STK24: variants seen among roughly 807,000 people sequenced by gnomAD.
STK24 encodes the protein serine/threonine-protein kinase 24.
STK24 carries 21 observed loss-of-function variants against 55.6 expected under a neutral mutation model. The ratio of observed to expected loss-of-function variants is 0.38; its 90% CI spans 0.27 to 0.54. STK24 has a LOEUF of 0.54. STK24 is among the 20% of genes least tolerant of loss of function. The probability of loss-of-function intolerance (pLI) is 0.79; values close to 1 mark genes in which losing one functional copy is unlikely to be tolerated. For synonymous variants in STK24, 200 were observed against 215.2 expected (o/e 0.93, Z 0.62); for missense variants, 383 against 538.4 (o/e 0.71, Z 2.86).
chr13:98,557,841 T>C (rs1897317356), intron 1 of STK24, among the ~76,000 whole-genome samples: 1 of 152,196 alleles, frequency 6.6e-6, no homozygotes, highest in Non-Finnish European at 1.5e-5. Context: ...CCGGCAGAAT[T>C]GGATTCCTTG....
At chr13:98,462,611 C>G (rs1048489771) in intron 7 of STK24, among the ~76,000 whole-genome samples, 3 of 152,150 alleles carry the variant, frequency 2.0e-5, no homozygotes, top group Non-Finnish European at 2.9e-5. Flanking sequence ...CTCACTCCCC[C>G]ACATGCCCCA....
Position 98,448,556 on chromosome 13 carries a change from T to C in STK24, c.*4617A>G. ...GGCGCTGTTCTTTAGCTAGTGCCAGTATTAAAACATTGTCATTACGAGAGT... is the reference window on the plus strand; with the variant it reads ...GGCGCTGTTCTTTAGCTAGTGCCAGCATTAAAACATTGTCATTACGAGAGT... On this transcript the variant is annotated 3_prime_UTR_variant, in exon 11 of 11. Transcript: ENST00000539966. 1.9e-6 allele frequency: 1 copy of C among 521,142 alleles called. No homozygotes were observed. The highest frequency in any genetic ancestry group is 3.5e-5 in the Admixed American group (1 of 28,776). The allele number at this position is 521,142 out of a possible 1,614,324, so 32.3% of individuals were successfully genotyped here.
intron 1 of STK24, among the ~76,000 whole-genome samples, chr13:98,575,484 T>C (rs7995347): frequency 0.17 from 25,825 of 151,834 alleles, 2,259 homozygotes; most frequent in African/African-American, 0.19. Context: ...AGTGGTAACT[T>C]TGAGTTCCTA....
chr13:98,457,123 T>C, intron 10 of STK24, 45 bp downstream of exon 10: 1 of 1,593,406 alleles, frequency 6.3e-7, no homozygotes, highest in Non-Finnish European at 8.5e-7. Flanking sequence ...CCAGCCCAAG[T>C]GCAGGTCTCT....
At chr13:98,532,169 C>G (rs565167357) in intron 1 of STK24, among the ~76,000 whole-genome samples, 2 of 152,284 alleles carry the variant, frequency 1.3e-5, no homozygotes, top group African/African-American at 4.8e-5. Flanking sequence ...AGTCACAATG[C>G]CAGTAGTGAT....
chr13:98,569,585 T>G (rs762866007), intron 1 of STK24, among the ~76,000 whole-genome samples: 1 of 152,088 alleles, frequency 6.6e-6, no homozygotes, highest in Non-Finnish European at 1.5e-5. Context: ...TAAGACAAGG[T>G]TGCAACAACT....
At chr13:98,480,790 T>A (rs924915940) in intron 3 of STK24, among the ~76,000 whole-genome samples, 1 of 152,270 alleles carries the variant, frequency 6.6e-6, no homozygotes, top group Non-Finnish European at 1.5e-5. Context: ...GATTTTGCTA[T>A]GTGGCCCAGG....
intron 9 of STK24, 141 bp from the exon 10 acceptor site, chr13:98,457,445 C>A: frequency 1.0e-6 from 1 of 1,004,414 alleles, no homozygotes; most frequent in Non-Finnish European, 1.4e-6. Flanking sequence ...TTGGCTAGGG[C>A]TCCAGGCCAC....
intron 1 of STK24, among the ~76,000 whole-genome samples, chr13:98,574,000 G>C (rs1295567903): frequency 2.0e-5 from 3 of 150,922 alleles, no homozygotes; most frequent in African/African-American, 7.3e-5. Context: ...AATTCACTCT[G>C]CTTTATTTTT....
intron 1 of STK24, among the ~76,000 whole-genome samples, chr13:98,545,332 G>A (rs752306620): frequency 1.7e-4 from 26 of 152,188 alleles, no homozygotes; most frequent in Non-Finnish European, 3.4e-4. Context: ...AATTTTTAAC[G>A]TACACACGTG....
chr13:98,500,380 T>A (rs1203763259), intron 2 of STK24, among the ~76,000 whole-genome samples: 1 of 152,194 alleles, frequency 6.6e-6, no homozygotes, highest in Non-Finnish European at 1.5e-5. Flanking sequence ...GGCTCTGCCA[T>A]GTCTTGATAT....
chr13:98,575,926 T>G, intron 1 of STK24: 6 of 595,156 alleles, frequency 1.0e-5, no homozygotes, highest in Non-Finnish European at 1.3e-5. Flanking sequence ...CTTATACATG[T>G]AAATTTGAAA....
chr13:98,568,932 A>C (rs903760939), intron 1 of STK24, among the ~76,000 whole-genome samples: 4 of 152,200 alleles, frequency 2.6e-5, no homozygotes, highest in African/African-American at 9.7e-5. Context: ...TCCAAGTAAT[A>C]AAGTTTCAGA....
intron 1 of STK24, among the ~76,000 whole-genome samples, chr13:98,574,537 T>C (rs1332175289): frequency 6.6e-6 from 1 of 152,192 alleles, no homozygotes; most frequent in Non-Finnish European, 1.5e-5. Context: ...GTTTTTCTTT[T>C]GTGGGGTGGG....
chr13:98,475,715 G>C (rs1416015815), intron 3 of STK24, among the ~76,000 whole-genome samples: 1 of 152,326 alleles, frequency 6.6e-6, no homozygotes, highest in South Asian at 2.1e-4. Flanking sequence ...GACCCGGCCT[G>C]CGCCTGCAGC....
intron 1 of STK24, among the ~76,000 whole-genome samples, chr13:98,568,355 C>T (rs1897643539): frequency 6.6e-6 from 1 of 152,134 alleles, no homozygotes. Flanking sequence ...ACTGACGGCA[C>T]CAGTCCCTCT....
chr13:98,454,725 C>G (rs9630321), intron 10 of STK24: 39,242 of 152,188 alleles, frequency 0.26, 5,207 homozygotes, highest in Non-Finnish European at 0.3. Flanking sequence ...TAAGCCATGG[C>G]CACCGTGGTT....
chr13:98,563,215 G>A (rs1332028594), intron 1 of STK24, among the ~76,000 whole-genome samples: 1 of 152,166 alleles, frequency 6.6e-6, no homozygotes, highest in Non-Finnish European at 1.5e-5. Flanking sequence ...GGCTAGCACC[G>A]ATGGCCCCAG....
rs552698918 is a variant in STK24 at position 98,453,771 on chromosome 13, A to T, written c.1260-562T>A. 8.5e-5 allele frequency: 13 copies of T among 152,398 alleles called. 1 individual carries two copies. The highest frequency in any genetic ancestry group is 8.5e-4 in the Admixed American group (13 of 15,290). The allele number at this position is 152,398 out of a possible 1,614,324, so 9.4% of individuals were successfully genotyped here. ...GTACAGAATCAGTTAAGTAAATTATACAAACTGAAATAACAGACTAAAAAT... is the reference window on the plus strand; with the variant it reads ...GTACAGAATCAGTTAAGTAAATTATTCAAACTGAAATAACAGACTAAAAAT... On this transcript the variant is annotated intron_variant, in intron 10 of 10. Coordinates refer to ENST00000539966, the MANE Select transcript of STK24 (RefSeq NM_001032296.4).
Sources: gnomAD v4.1 joint callset for allele counts (sites outside exome capture counted in the v4.1 genomes callset) on GRCh38, gnomAD v4.1.1 for gene constraint, MANE v1.5 for transcripts, NCBI Gene and HGNC (gene_info 2026-07-23, HGNC 2026-07-21) for gene names.